The following TRAF3IP2 variants were observed in gnomAD, a reference collection of about 807,000 sequenced individuals.
TRAF3IP2 encodes the protein E3 ubiquitin ligase TRAF3IP2.
A neutral mutation model predicts 57.9 loss-of-function variants in TRAF3IP2; 35 were observed. The observed-to-expected ratio is 0.60, with a 90% confidence interval of 0.46 to 0.80. TRAF3IP2 has a LOEUF of 0.80. TRAF3IP2 is among the 30% of genes least tolerant of loss of function. TRAF3IP2 has a pLI of 0.00. For synonymous variants in TRAF3IP2, 251 were observed against 268.9 expected, an observed-to-expected ratio of 0.93 and a Z score of 0.65; for missense variants, 556 against 706.4, an observed-to-expected ratio of 0.79 and a Z score of 2.41.
At chr6:111,601,249 C>T (rs767216858) in intron 1 of TRAF3IP2, 17 of 756,798 alleles carry the variant, frequency 2.2e-5, no homozygotes, top group Non-Finnish European at 7.5e-6. Context: ...ACAGCATCAC[C>T]AGGCTGGAAA....
At chr6:111,592,187 G>A (rs1374522399) in intron 1 of TRAF3IP2, 93 bp from the exon 2 acceptor site, 3 of 1,109,086 alleles carry the variant, frequency 2.7e-6, no homozygotes, top group Admixed American at 2.3e-5. Flanking sequence ...TTCAAGATGT[G>A]GTTTAAATTA....
intron 1 of TRAF3IP2, among the ~76,000 whole-genome samples, chr6:111,604,724 C>T (rs909403001): frequency 1.3e-5 from 2 of 152,146 alleles, no homozygotes; most frequent in African/African-American, 2.4e-5. Flanking sequence ...ACCTACTAGG[C>T]ATTTGGTAGC....
chr6:111,567,163 G>T, intron 6 of TRAF3IP2: 1 of 1,000,838 alleles, frequency 1.0e-6, no homozygotes, highest in Non-Finnish European at 1.2e-6. Flanking sequence ...TGTCCCAGTG[G>T]CCGGTATAGA....
chr6:111,600,758 G>C (rs755194963), intron 1 of TRAF3IP2: 1 of 155,864 alleles, frequency 6.4e-6, no homozygotes, highest in African/African-American at 2.4e-5. Context: ...TGTTGATATA[G>C]ATTGTACACT....
chr6:111,595,190 A>C (rs174389), intron 1 of TRAF3IP2, among the ~76,000 whole-genome samples: 110,592 of 152,098 alleles, frequency 0.73, 41,156 homozygotes, highest in Admixed American at 0.81. Flanking sequence ...TGAGATCACA[A>C]CTGTTGTACC....
rs145891544 is a variant in TRAF3IP2, at chr6:111,604,629, C to T, written c.-9+1147G>A. The stretch of plus-strand genomic sequence containing the variant: ...CAGAGACACGTGTCTCCCAGCCTTT[C>T]GCCCTGACTGCTGCTTTACCTCTTG... On this transcript the variant is annotated intron_variant, in intron 1 of 8. Transcript: ENST00000368761. Among the ~76,000 whole-genome samples, 903 of 152,350 alleles carry T rather than the reference C, an allele frequency of 5.9e-3. 6 individuals carry two copies. Among genetic ancestry groups the T allele is most frequent in the African/African-American group, 0.021 (856 of 41,574 alleles).
At chr6:111,567,936 A>G (rs1008986109) in intron 5 of TRAF3IP2, among the ~76,000 whole-genome samples, 5 of 152,244 alleles carry the variant, frequency 3.3e-5, no homozygotes, top group African/African-American at 1.2e-4. Flanking sequence ...ATACACATCA[A>G]AATATATCTA....
At chr6:111,582,975 G>A (rs1796212397) in intron 2 of TRAF3IP2, among the ~76,000 whole-genome samples, 1 of 152,196 alleles carries the variant, frequency 6.6e-6, no homozygotes, top group Non-Finnish European at 1.5e-5. Flanking sequence ...TCAGAGCTCA[G>A]CCCAAATATC....
intron 2 of TRAF3IP2, among the ~76,000 whole-genome samples, chr6:111,590,645 T>A (rs1796480999): frequency 6.6e-6 from 1 of 152,112 alleles, no homozygotes; most frequent in Non-Finnish European, 1.5e-5. Context: ...CATGGAGATG[T>A]GAACCATCGC....
At chr6:111,578,758 T>G (rs550523337) in intron 3 of TRAF3IP2, among the ~76,000 whole-genome samples, 2,057 of 152,332 alleles carry the variant, frequency 0.014, 22 homozygotes, top group Non-Finnish European at 0.023. Flanking sequence ...TAAAGTGGGC[T>G]TTTTTTCTTT....
At chr6:111,590,347 G>A (rs1796466413) in intron 2 of TRAF3IP2, among the ~76,000 whole-genome samples, 1 of 152,188 alleles carries the variant, frequency 6.6e-6, no homozygotes, top group Admixed American at 6.5e-5. Context: ...TGTCCCAACA[G>A]GGCCAGAGCA....
At chr6:111,572,529 T>C (rs1308599562) in intron 5 of TRAF3IP2, among the ~76,000 whole-genome samples, 1 of 152,204 alleles carries the variant, frequency 6.6e-6, no homozygotes, top group African/African-American at 2.4e-5. Flanking sequence ...GCTTCCTGCA[T>C]CATGGGAAAC....
rs1583223171 is a variant in TRAF3IP2 at position 111,572,899 on chromosome 6, G to C, written c.1286C>G (p.Thr429Ser). The C allele has an allele frequency of 6.2e-7, 1 of 1,612,920 alleles. No homozygotes were observed. Among genetic ancestry groups the C allele is most frequent in the Non-Finnish European group, 8.5e-7 (1 of 1,179,118 alleles). ...VNFLLVNGFQ[T>S]AIDIFEDRIR... ...CTATTTGGACAAAATACTTACTGCA[G>C]TTTGGAAGCCATTTACCAACAAAAA... Residue 429 changes from threonine (T) to serine (S), a missense_variant, in exon 5 of 9, where the codon ACT becomes AGT. Transcript: ENST00000368761.
chr6:111,574,702 C>T (rs756787741), intron 4 of TRAF3IP2: 16 of 152,100 alleles, frequency 1.1e-4, no homozygotes, highest in Admixed American at 3.3e-4. Flanking sequence ...GACATCCAAT[C>T]AATTTACCCA....
Position 111,566,433 on chromosome 6 carries a change from T to A in TRAF3IP2, c.1476+11A>T, listed in dbSNP as rs775769838. ...GGGACAGTGAGGTGTTGTGATCCCC[T>A]CCCCACTCACCATTCGATGAATGTA... is the stretch of plus-strand genomic sequence containing the variant. On this transcript the variant is annotated intron_variant, in intron 7 of 8. Coordinates refer to ENST00000368761, the MANE Select transcript of TRAF3IP2 (RefSeq NM_147686.4). 6.2e-7 allele frequency: 1 copy of A among 1,601,004 alleles called. No individual in the cohort carries two copies. The highest frequency in any genetic ancestry group is 1.1e-5 in the South Asian group (1 of 90,680).
intron 7 of TRAF3IP2, among the ~76,000 whole-genome samples, chr6:111,563,434 A>G (rs1795521320): frequency 6.6e-6 from 1 of 152,196 alleles, no homozygotes; most frequent in Non-Finnish European, 1.5e-5. Context: ...AAGTGCTACA[A>G]ATCAGGAGAG....
intron 1 of TRAF3IP2, among the ~76,000 whole-genome samples, chr6:111,604,572 T>C (rs896851599): frequency 6.6e-6 from 1 of 152,214 alleles, no homozygotes; most frequent in African/African-American, 2.4e-5. Context: ...CTAGAGCCAG[T>C]AATAAGGCCT....
chr6:111,597,697 T>C (rs1796734507), intron 1 of TRAF3IP2: 1 of 368,288 alleles, frequency 2.7e-6, no homozygotes. Context: ...GCATGTACCC[T>C]GGGTAAGCAC....
intron 2 of TRAF3IP2, among the ~76,000 whole-genome samples, chr6:111,588,605 T>C (rs1031133884): frequency 6.6e-6 from 1 of 152,204 alleles, no homozygotes. Context: ...CAATGAGGCT[T>C]TCCCTTGTTA....
Sources: allele counts gnomAD v4.1 joint callset (sites outside exome capture counted in the v4.1 genomes callset), GRCh38; gene constraint gnomAD v4.1.1; transcripts MANE v1.5; gene names NCBI Gene and HGNC (gene_info 2026-07-23, HGNC 2026-07-21).